The following FRMD3 variants were observed in gnomAD, a reference collection of about 807,000 sequenced individuals.
FRMD3 encodes the protein FERM domain-containing protein 3.
Under a neutral mutation model 70.2 loss-of-function variants are expected in FRMD3, and 33 were observed. That is an observed-to-expected ratio of 0.47 (90% CI 0.36 to 0.63). The LOEUF is 0.63. Among genes scored for constraint, FRMD3 ranks in the 20% least tolerant of loss-of-function variants. The probability of loss-of-function intolerance (pLI) is 0.00; values close to 1 mark genes in which losing one functional copy is unlikely to be tolerated. For missense variants in FRMD3, 632 were observed against 711.4 expected (o/e 0.89, Z 1.27); for synonymous variants, 279 against 255.9 (o/e 1.09, Z -0.86).
At chr9:83,562,978 G>T in the FRMD3 span, among the ~76,000 whole-genome samples, 2 of 135,168 alleles carry the variant, frequency 1.5e-5, no homozygotes, top group African/African-American at 6.0e-5. Flanking sequence ...AAGTAATAGT[G>T]ATTAAATGAA....
Position 83,322,634 on chromosome 9 carries a change from C to A in FRMD3, c.597-8887G>T, listed in dbSNP as rs192914117. On this transcript the variant is annotated intron_variant, in intron 6 of 13. Coordinates refer to ENST00000304195, the MANE Select transcript of FRMD3 (RefSeq NM_174938.6). Reference sequence around the variant, plus strand: ...TTCTCTTTCTAGAGGAATGTGCAATCTTTAGGCAGTTCCACATGTCAGGCC... The same window carrying A: ...TTCTCTTTCTAGAGGAATGTGCAATATTTAGGCAGTTCCACATGTCAGGCC... Among the ~76,000 whole-genome samples, 56 of 152,284 alleles carry A rather than the reference C, an allele frequency of 3.7e-4. 1 individual carries two copies. Among genetic ancestry groups the A allele is most frequent in the Admixed American group, 3.6e-3 (55 of 15,302 alleles).
intron 1 of FRMD3, among the ~76,000 whole-genome samples, chr9:83,451,892 T>C (rs984959779): frequency 3.3e-5 from 5 of 152,344 alleles, no homozygotes; most frequent in African/African-American, 1.2e-4. Context: ...TAATAGTTCA[T>C]AATAGACATT....
intron 13 of FRMD3, among the ~76,000 whole-genome samples, chr9:83,251,756 G>A (rs113749222): frequency 1.2e-3 from 183 of 152,298 alleles, no homozygotes; most frequent in Admixed American, 5.3e-3. Context: ...ACCAAGTTGA[G>A]CAAAGAATCT....
the FRMD3 span, among the ~76,000 whole-genome samples, chr9:83,543,904 A>T: frequency 6.6e-6 from 1 of 152,078 alleles, no homozygotes; most frequent in African/African-American, 2.4e-5. Flanking sequence ...ATGGAGATGA[A>T]GCCTCCTACT....
At chr9:83,396,021 A>G (rs1055520096) in intron 1 of FRMD3, among the ~76,000 whole-genome samples, 1 of 152,178 alleles carries the variant, frequency 6.6e-6, no homozygotes, top group Non-Finnish European at 1.5e-5. Flanking sequence ...TTTGCATTTG[A>G]TCTCTTGACA....
At chr9:83,311,033 T>C (rs922282617) in intron 8 of FRMD3, among the ~76,000 whole-genome samples, 1 of 152,206 alleles carries the variant, frequency 6.6e-6, no homozygotes, top group Admixed American at 6.5e-5. Context: ...TCTTATATAT[T>C]GGAGTTCCCA....
the FRMD3 span, among the ~76,000 whole-genome samples, chr9:83,573,782 C>G: frequency 1.3e-4 from 19 of 151,912 alleles, no homozygotes; most frequent in African/African-American, 4.4e-4. Context: ...CCTGACCCCC[C>G]ACCTTGCCAC....
intron 6 of FRMD3, among the ~76,000 whole-genome samples, chr9:83,321,400 A>G (rs1397221237): frequency 6.6e-6 from 1 of 152,124 alleles, no homozygotes; most frequent in Admixed American, 6.5e-5. Flanking sequence ...TTAATTTCAA[A>G]AAGTTTTTAA....
chr9:83,537,502 C>T lies in FRMD3; in HGVS notation c.147+583G>A, dbSNP rs949442420. 1.3e-5 allele frequency among the ~76,000 whole-genome samples: 2 copies of T among 152,232 alleles called. No individual in the cohort carries two copies. Among genetic ancestry groups the T allele is most frequent in the Non-Finnish European group, 2.9e-5 (2 of 68,038 alleles). ...CTCAAGGCTGGCGCCCAGGGCAGCCCGGCCTCTCTCACTCTGGGGAAACTT... is the reference window on the plus strand; with the variant it reads ...CTCAAGGCTGGCGCCCAGGGCAGCCTGGCCTCTCTCACTCTGGGGAAACTT... On this transcript the variant is annotated intron_variant, in intron 1 of 13. Transcript: ENST00000304195. The surrounding 1 kb of genome is among the most constrained non-coding windows in gnomAD (Gnocchi z 4.1).
At chr9:83,423,196 T>C (rs1178256933) in intron 1 of FRMD3, among the ~76,000 whole-genome samples, 6 of 152,254 alleles carry the variant, frequency 3.9e-5, no homozygotes, top group African/African-American at 1.4e-4. Flanking sequence ...AAGGATAGTT[T>C]TGAATGTCTT....
chr9:83,511,350 G>C (rs908255677), intron 1 of FRMD3, among the ~76,000 whole-genome samples: 4 of 152,310 alleles, frequency 2.6e-5, no homozygotes, highest in South Asian at 2.1e-4. Flanking sequence ...CCCAGAGAAG[G>C]GGGGAGGCTG....
At chr9:83,569,458 T>G in the FRMD3 span, among the ~76,000 whole-genome samples, 2 of 152,234 alleles carry the variant, frequency 1.3e-5, no homozygotes, top group Non-Finnish European at 2.9e-5. Flanking sequence ...GCTGAGAGCA[T>G]GCTGCCCACA....
chr9:83,408,283 C>T (rs1401929729), intron 1 of FRMD3, among the ~76,000 whole-genome samples: 1 of 152,180 alleles, frequency 6.6e-6, no homozygotes. Context: ...CTGTATGAAC[C>T]AAGCTTGCTC....
intron 1 of FRMD3, among the ~76,000 whole-genome samples, chr9:83,464,406 C>T (rs1226076931): frequency 3.3e-5 from 5 of 152,180 alleles, no homozygotes; most frequent in Non-Finnish European, 7.3e-5. Flanking sequence ...CAGCTAGGTT[C>T]TGGCTCATGC....
chr9:83,452,729 G>A (rs555434302), intron 1 of FRMD3, among the ~76,000 whole-genome samples: 7 of 151,832 alleles, frequency 4.6e-5, no homozygotes, highest in Admixed American at 2.6e-4. Flanking sequence ...TGATCCGCCC[G>A]TCTCGGCCTC....
intron 1 of FRMD3, among the ~76,000 whole-genome samples, chr9:83,469,109 T>C (rs1288311574): frequency 1.3e-5 from 2 of 152,158 alleles, no homozygotes; most frequent in Non-Finnish European, 2.9e-5. Context: ...AGCATTCAAA[T>C]GAGGTTAAAC....
chr9:83,552,206 T>C, the FRMD3 span, among the ~76,000 whole-genome samples: 3 of 152,242 alleles, frequency 2.0e-5, no homozygotes, highest in African/African-American at 7.2e-5. Flanking sequence ...AACTTCTTGA[T>C]TTCTGCCTTA....
intron 6 of FRMD3, among the ~76,000 whole-genome samples, chr9:83,330,039 C>G (rs1473075606): frequency 6.6e-6 from 1 of 152,118 alleles, no homozygotes; most frequent in Non-Finnish European, 1.5e-5. Flanking sequence ...TTGATTAAAG[C>G]TGTGGAAAAC....
chr9:83,245,570 T>G lies in FRMD3; in HGVS notation c.*2348A>C. ...TATATTTATTACTCCTTAAGATAAA[T>G]CTGCATCGTTGGATTACATGTGATA... On this transcript the variant is annotated 3_prime_UTR_variant, in exon 14 of 14. Coordinates refer to ENST00000304195, the MANE Select transcript of FRMD3 (RefSeq NM_174938.6). 1.1e-6 allele frequency: 1 copy of G among 888,326 alleles called. No homozygotes were observed. Among genetic ancestry groups the G allele is most frequent in the Non-Finnish European group, 1.3e-6 (1 of 741,476 alleles). The allele number at this position is 888,326 out of a possible 1,614,324, so 55.0% of individuals were successfully genotyped here. A position where few individuals can be genotyped will look rare whatever the true frequency, so the allele number is the denominator to read the frequency against.
Sources: allele counts gnomAD v4.1 joint callset (sites outside exome capture counted in the v4.1 genomes callset), GRCh38; gene constraint gnomAD v4.1.1; non-coding constraint Gnocchi (gnomAD v3.1); transcripts MANE v1.5; gene names NCBI Gene and HGNC (gene_info 2026-07-23, HGNC 2026-07-21).